SUGCT: variants seen among roughly 807,000 people sequenced by gnomAD.
SUGCT encodes succinyl-CoA:glutarate-CoA transferase, also known as succinyl-CoA:glutarate CoA-transferase.
Under a neutral mutation model 55.0 loss-of-function variants are expected in SUGCT, and 41 were observed. That is an observed-to-expected ratio of 0.74 (90% confidence interval 0.58 to 0.97). SUGCT has a LOEUF of 0.97. Ranked by LOEUF, SUGCT falls within the 50% of genes least tolerant of loss-of-function variation. SUGCT has a pLI of 0.00. For missense variants in SUGCT, 568 were observed against 547.8 expected, an observed-to-expected ratio of 1.04 and a Z score of -0.37; for synonymous variants, 187 against 200.4, an observed-to-expected ratio of 0.93 and a Z score of 0.56.
chr7:40,169,735 G>C (rs1705453550), intron 1 of SUGCT, among the ~76,000 whole-genome samples: 1 of 151,934 alleles, frequency 6.6e-6, no homozygotes, highest in Non-Finnish European at 1.5e-5. Context: ...CAACTAAGTG[G>C]TGGCCTTTTT....
At chr7:40,340,390 T>C (rs530812662) in intron 9 of SUGCT, among the ~76,000 whole-genome samples, 1 of 152,162 alleles carries the variant, frequency 6.6e-6, no homozygotes, top group East Asian at 1.9e-4. Flanking sequence ...AAAAACCCTA[T>C]CACATTATTC....
Position 40,583,544 on chromosome 7 carries a change from A to G in SUGCT, c.1089+87158A>G, listed in dbSNP as rs1390105684. On this transcript the variant is annotated intron_variant, in intron 12 of 13. Transcript: ENST00000335693. ...ATTATTTTACCTTCACATCCAGACA[A>G]TTACATTTAAAATGAATTCTTAAAC... 3.9e-5 allele frequency among the ~76,000 whole-genome samples: 6 copies of G among 152,322 alleles called. No individual in the cohort carries two copies. The East Asian group carries it at 1.2e-3, about 29-fold the overall frequency.
chr7:40,902,912 C>A, the SUGCT span, among the ~76,000 whole-genome samples: 2 of 152,122 alleles, frequency 1.3e-5, no homozygotes, highest in African/African-American at 4.8e-5. Context: ...ACACCATAGG[C>A]AATGAATTTA....
the SUGCT span, among the ~76,000 whole-genome samples, chr7:41,031,389 ATC>A: frequency 0.014 from 2,105 of 152,310 alleles, 51 homozygotes; most frequent in African/African-American, 0.047. Context: ...AAAGAAAATT[ATC>A]TGTTTTCTAC....
intron 13 of SUGCT, among the ~76,000 whole-genome samples, chr7:40,839,665 T>A (rs1793176005): frequency 6.6e-6 from 1 of 150,980 alleles, no homozygotes; most frequent in South Asian, 2.1e-4. Context: ...AAAAGGTCAT[T>A]TTCTGAGTTA....
At chr7:40,544,490 G>A (rs1274164217) in intron 12 of SUGCT, among the ~76,000 whole-genome samples, 1 of 152,188 alleles carries the variant, frequency 6.6e-6, no homozygotes, top group Non-Finnish European at 1.5e-5. Context: ...TGACGGTGGT[G>A]ACAAGTTCCA....
At chr7:40,155,612 A>G (rs1017499498) in intron 1 of SUGCT, among the ~76,000 whole-genome samples, 14 of 152,190 alleles carry the variant, frequency 9.2e-5, no homozygotes, top group Admixed American at 2.6e-4. Flanking sequence ...GACATTGTAT[A>G]CAGAAGACAT....
intron 11 of SUGCT, among the ~76,000 whole-genome samples, chr7:40,468,732 G>A (rs184839553): frequency 6.6e-6 from 1 of 152,134 alleles, no homozygotes; most frequent in Admixed American, 6.6e-5. Context: ...TGGGGGAGTG[G>A]GGGTGGGTTA....
At chr7:40,347,173 G>A (rs566345042) in intron 9 of SUGCT, among the ~76,000 whole-genome samples, 1 of 152,306 alleles carries the variant, frequency 6.6e-6, no homozygotes, top group South Asian at 2.1e-4. Flanking sequence ...GACATTAAAG[G>A]CACTTCTGCT....
intron 9 of SUGCT, among the ~76,000 whole-genome samples, chr7:40,322,897 T>C (rs1490679389): frequency 6.6e-6 from 1 of 151,816 alleles, no homozygotes; most frequent in African/African-American, 2.4e-5. Flanking sequence ...CTTGGAAGGT[T>C]GAGGCTACAG....
At chr7:40,188,637 C>A in intron 4 of SUGCT, 57 bp downstream of exon 4, 1 of 1,055,132 alleles carries the variant, frequency 9.5e-7, no homozygotes, top group Non-Finnish European at 1.4e-6. Flanking sequence ...AATAGCAAAA[C>A]TGTTGATATC....
intron 13 of SUGCT, among the ~76,000 whole-genome samples, chr7:40,833,476 C>T (rs1371554433): frequency 1.3e-5 from 2 of 152,222 alleles, no homozygotes; most frequent in Non-Finnish European, 2.9e-5. Flanking sequence ...TGTGTTCATA[C>T]ACTTATTAGT....
intron 12 of SUGCT, among the ~76,000 whole-genome samples, chr7:40,718,896 T>C (rs540892240): frequency 1.3e-5 from 2 of 152,288 alleles, no homozygotes; most frequent in South Asian, 4.1e-4. Flanking sequence ...CTATATGATA[T>C]AAAAATTTAA....
intron 13 of SUGCT, among the ~76,000 whole-genome samples, chr7:40,827,621 C>A (rs544970180): frequency 2.6e-5 from 4 of 152,124 alleles, no homozygotes; most frequent in Non-Finnish European, 5.9e-5. Flanking sequence ...CCACGAGGCT[C>A]ATTTCTCCTC....
rs145209265 is a variant in SUGCT, at chr7:40,216,253, G to C, written c.484+21193G>C. On this transcript the variant is annotated intron_variant, in intron 6 of 13. Transcript: ENST00000335693. ...GTGGTAGCTCACGCCTGTAATCCCAGCACTTTGGGAGGCTGAGGCAGGCGG... is the reference window on the plus strand; with the variant it reads ...GTGGTAGCTCACGCCTGTAATCCCACCACTTTGGGAGGCTGAGGCAGGCGG... 4.5e-3 allele frequency among the ~76,000 whole-genome samples: 685 copies of C among 152,172 alleles called. 7 individuals are homozygous for C. The highest frequency in any genetic ancestry group is 0.016 in the African/African-American group (661 of 41,540).
intron 9 of SUGCT, among the ~76,000 whole-genome samples, chr7:40,335,209 TG>T (rs1303856121): frequency 6.6e-6 from 1 of 152,262 alleles, no homozygotes; most frequent in Non-Finnish European, 1.5e-5. Context: ...TTTGTTCTTT[TG>T]GCTTAGGATT....
intron 9 of SUGCT, among the ~76,000 whole-genome samples, chr7:40,399,738 C>G (rs868425639): frequency 1.3e-5 from 2 of 152,144 alleles, no homozygotes. Context: ...ATTTCTTTTT[C>G]TGGCTTCATT....
chr7:40,942,125 A>G, the SUGCT span, among the ~76,000 whole-genome samples: 1 of 152,088 alleles, frequency 6.6e-6, no homozygotes, highest in African/African-American at 2.4e-5. Flanking sequence ...TAGATACTTT[A>G]ACTTCTTCAC....
chr7:40,624,186 GAC>G (rs1411405416), intron 12 of SUGCT, among the ~76,000 whole-genome samples: 1 of 152,142 alleles, frequency 6.6e-6, no homozygotes, highest in Admixed American at 6.5e-5. Context: ...ATGGGGCTGA[GAC>G]AGAGCACCCA....
Sources: gnomAD v4.1 joint callset for allele counts (sites outside exome capture counted in the v4.1 genomes callset) on GRCh38, gnomAD v4.1.1 for gene constraint, MANE v1.5 for transcripts, NCBI Gene and HGNC (gene_info 2026-07-23, HGNC 2026-07-21) for gene names.